Variants in CDC73 observed in about 807,000 individuals in gnomAD.
CDC73 encodes the protein cell division cycle 73.
In CDC73, 21 loss-of-function variants were observed where a neutral mutation model predicts 83.7. The observed-to-expected ratio is 0.25, with a 90% CI of 0.18 to 0.36. The LOEUF is 0.36. Among genes scored for constraint, CDC73 ranks in the 10% least tolerant of loss-of-function variants. The pLI is 1.00. For missense variants in CDC73, 342 were observed against 653.3 expected (o/e 0.52, Z 5.19); for synonymous variants, 224 against 212.9 (o/e 1.05, Z -0.45).
intron 13 of CDC73, among the ~76,000 whole-genome samples, chr1:193,218,560 A>ACAGG (rs1558314788): frequency 6.6e-6 from 1 of 152,178 alleles, no homozygotes; most frequent in Non-Finnish European, 1.5e-5. Flanking sequence ...TGGTACAAAA[A>ACAGG]CAGGCACACA....
chr1:193,241,236 T>C (rs1677852670), intron 15 of CDC73, among the ~76,000 whole-genome samples: 1 of 152,230 alleles, frequency 6.6e-6, no homozygotes, highest in Admixed American at 6.5e-5. Context: ...CTTTGGTTCT[T>C]CATACTGGCT....
At chr1:193,168,804 C>T (rs139963893) in intron 10 of CDC73, among the ~76,000 whole-genome samples, 2,182 of 152,296 alleles carry the variant, frequency 0.014, 29 homozygotes, top group Non-Finnish European at 0.023. Context: ...GGATTACACG[C>T]GTGAGCCACA....
chr1:193,164,685 C>A (rs964140706), intron 10 of CDC73, among the ~76,000 whole-genome samples: 1 of 151,942 alleles, frequency 6.6e-6, no homozygotes, highest in Admixed American at 6.6e-5. Context: ...GGTACCTTTC[C>A]CCTTGGGCAC....
intron 10 of CDC73, among the ~76,000 whole-genome samples, chr1:193,198,016 ATTCAT>A (rs1677031434): frequency 6.6e-6 from 1 of 151,708 alleles, no homozygotes. Flanking sequence ...TTTTTGCCAT[ATTCAT>A]TTAATAGATA....
chr1:193,155,374 A>G (rs1026896520), intron 10 of CDC73, among the ~76,000 whole-genome samples: 3 of 152,354 alleles, frequency 2.0e-5, no homozygotes, highest in Admixed American at 6.5e-5. Flanking sequence ...TACGTTTCAC[A>G]GTAAAGATTC....
intron 10 of CDC73, among the ~76,000 whole-genome samples, chr1:193,201,657 TTGG>T (rs1677093160): frequency 6.6e-6 from 1 of 152,178 alleles, no homozygotes; most frequent in Non-Finnish European, 1.5e-5. Flanking sequence ...ATACCCATTA[TTGG>T]TATTTAAAAG....
At chr1:193,221,420 AT>A (rs913700708) in intron 13 of CDC73, among the ~76,000 whole-genome samples, 3 of 151,792 alleles carry the variant, frequency 2.0e-5, no homozygotes, top group Admixed American at 6.6e-5. Flanking sequence ...CATTTACTGT[AT>A]TTTTTTAACC....
rs2103113918 is a variant in CDC73 at position 193,125,139 on chromosome 1, G to A, written c.159G>A (p.Glu53=). The change falls in exon 2 of 17, where the codon GAG becomes GAA. Residue 53 remains glutamate (E), a synonymous_variant. Coordinates refer to ENST00000367435, the MANE Select transcript of CDC73 (RefSeq NM_024529.5). ...CTGGAAAGGAAGGCCAACCCAGAGA[G>A]TACTACACATTGGATTCCATTTTAT... The part of the protein sequence containing the change: ...WGTGKEGQPR[E]YYTLDSILFL... 1.2e-6 allele frequency: 2 copies of A among 1,606,684 alleles called. No homozygotes were observed. Among genetic ancestry groups the A allele is most frequent in the Non-Finnish European group, 1.7e-6 (2 of 1,173,166 alleles).
intron 6 of CDC73, 118 bp downstream of exon 6, chr1:193,138,291 C>T: frequency 1.3e-6 from 1 of 763,008 alleles, no homozygotes; most frequent in Non-Finnish European, 2.4e-6. Flanking sequence ...TTTTATGCCT[C>T]TTTGCTCTTA....
rs141847473 is a variant in CDC73, at chr1:193,147,899, A to G, written c.762A>G (p.Gln254=). 35 of 1,612,948 alleles carry G rather than the reference A, an allele frequency of 2.2e-5. No homozygotes were observed. The highest frequency in any genetic ancestry group is 4.4e-5 in the South Asian group (4 of 91,030). Reference sequence around the variant, plus strand: ...CCAAGAACATTTTTGCAATTCTTCAATCTGTAAAAGCCAGAGAAGAAGGGC... The same window carrying G: ...CCAAGAACATTTTTGCAATTCTTCAGTCTGTAAAAGCCAGAGAAGAAGGGC... ...NFSKNIFAIL[Q]SVKAREEGRA... is the part of the protein sequence containing the mutation. Residue 254 remains glutamine (Q), a synonymous_variant, in exon 8 of 17, where the codon CAA becomes CAG. Transcript: ENST00000367435.
In CDC73 at chr1:193,212,328, G is replaced by A. The variant is rs545451065; in HGVS notation, c.1067-62G>A. 5.7e-5 allele frequency: 60 copies of A among 1,059,530 alleles called. No individual in the cohort carries two copies. The Admixed American group carries it at 1.2e-3, about 21-fold the overall frequency. The allele number at this position is 1,059,530 out of a possible 1,614,324, so 65.6% of individuals were successfully genotyped here. A position where few individuals can be genotyped will look rare whatever the true frequency, so the allele number is the denominator to read the frequency against. ...ACAATTTATAATCTTTTAACTTTTAGTAGAGAAAGTAAGTATAATTTCTAA... is the reference window on the plus strand; with the variant it reads ...ACAATTTATAATCTTTTAACTTTTAATAGAGAAAGTAAGTATAATTTCTAA... On this transcript the variant is annotated intron_variant, in intron 12 of 16. Coordinates refer to ENST00000367435, the MANE Select transcript of CDC73 (RefSeq NM_024529.5).
intron 10 of CDC73, chr1:193,181,372 A>C: frequency 6.2e-7 from 1 of 1,614,076 alleles, no homozygotes; most frequent in South Asian, 1.1e-5. Context: ...AAATCCTCGG[A>C]AAGTGTATGT....
intron 10 of CDC73, among the ~76,000 whole-genome samples, chr1:193,188,844 T>C (rs896530713): frequency 2.0e-5 from 3 of 152,134 alleles, no homozygotes; most frequent in African/African-American, 7.2e-5. Context: ...GACAAGTATT[T>C]AAACAGCAAG....
Position 193,254,054 on chromosome 1 carries a change from G to T in CDC73, c.*3342G>T, listed in dbSNP as rs1174982740. 6.6e-6 allele frequency among the ~76,000 whole-genome samples: 1 copy of T among 151,948 alleles called. No homozygotes were observed. The highest frequency in any genetic ancestry group is 2.4e-5 in the African/African-American group (1 of 41,502). On this transcript the variant is annotated 3_prime_UTR_variant, in exon 17 of 17. Coordinates refer to ENST00000367435, the MANE Select transcript of CDC73 (RefSeq NM_024529.5). ...GCTAGTCAAATTAATGGCTTAGAAA[G>T]TAGCTGTAAACTTTGTGTTTTGAAA... is the stretch of plus-strand genomic sequence containing the variant.
At chr1:193,192,504 A>G (rs1450124022) in intron 10 of CDC73, among the ~76,000 whole-genome samples, 1 of 152,170 alleles carries the variant, frequency 6.6e-6, no homozygotes, top group African/African-American at 2.4e-5. Flanking sequence ...TTTTTCCTAA[A>G]GGGCTTTTTT....
intron 15 of CDC73, among the ~76,000 whole-genome samples, chr1:193,238,791 AC>A (rs754612040): frequency 3.3e-5 from 5 of 152,230 alleles, no homozygotes; most frequent in Non-Finnish European, 7.3e-5. Context: ...AAGAGAAAAT[AC>A]ATTTACTGTT....
At chr1:193,123,787 G>GTT (rs1382607460) in intron 1 of CDC73, among the ~76,000 whole-genome samples, 2 of 152,142 alleles carry the variant, frequency 1.3e-5, no homozygotes, top group African/African-American at 4.8e-5. Context: ...AACTTAGTCT[G>GTT]AATAGAGGAG....
chr1:193,128,993 A>ATTTT (rs756040512), intron 2 of CDC73, among the ~76,000 whole-genome samples: 1 of 128,940 alleles, frequency 7.8e-6, no homozygotes, highest in African/African-American at 3.0e-5. Flanking sequence ...CGCCCGGCTA[A>ATTTT]TTTTTTTTTT....
intron 15 of CDC73, among the ~76,000 whole-genome samples, chr1:193,247,408 C>T (rs1376808945): frequency 6.6e-6 from 1 of 151,974 alleles, no homozygotes; most frequent in Admixed American, 6.6e-5. Flanking sequence ...CTCTTCAGGC[C>T]TCTCTTTTTC....
Sources: allele counts gnomAD v4.1 joint callset (sites outside exome capture counted in the v4.1 genomes callset), GRCh38; gene constraint gnomAD v4.1.1; transcripts MANE v1.5; gene names NCBI Gene and HGNC (gene_info 2026-07-23, HGNC 2026-07-21).